ZDHHC5: variants seen among roughly 807,000 people sequenced by gnomAD.
ZDHHC5 encodes the protein zDHHC palmitoyltransferase 5, also known as palmitoyltransferase ZDHHC5.
In ZDHHC5, 22 loss-of-function variants were observed where a neutral mutation model predicts 70.0. The observed-to-expected ratio is 0.31, with a 90% CI of 0.22 to 0.45. ZDHHC5 has a LOEUF of 0.45. Among genes scored for constraint, ZDHHC5 ranks in the 20% least tolerant of loss-of-function variants. The pLI, the probability that ZDHHC5 is intolerant of heterozygous loss-of-function variation, is 1.00. For missense variants in ZDHHC5, 746 were observed against 926.9 expected, an observed-to-expected ratio of 0.80 and a Z score of 2.53; for synonymous variants, 313 against 347.8, an observed-to-expected ratio of 0.90 and a Z score of 1.11.
chr11:57,686,586 G>C (rs1263648623), intron 3 of ZDHHC5, among the ~76,000 whole-genome samples: 3 of 151,976 alleles, frequency 2.0e-5, no homozygotes, highest in African/African-American at 7.2e-5. Context: ...AGAGTGCTGG[G>C]ATTACAGGCA....
chr11:57,688,379 A>G, intron 3 of ZDHHC5, 129 bp from the exon 4 acceptor site: 2 of 1,090,732 alleles, frequency 1.8e-6, no homozygotes, highest in Non-Finnish European at 2.4e-6. Context: ...TATAGTTCCT[A>G]GTTCCTAGTC....
At chr11:57,689,981 T>C in intron 4 of ZDHHC5, 50 bp from the exon 5 acceptor site, 1 of 1,579,730 alleles carries the variant, frequency 6.3e-7, no homozygotes, top group Non-Finnish European at 8.6e-7. Flanking sequence ...CAGAAGTAAT[T>C]TAATGCTATG....
At chr11:57,671,696 T>C (rs951073898) in intron 1 of ZDHHC5, among the ~76,000 whole-genome samples, 1 of 152,264 alleles carries the variant, frequency 6.6e-6, no homozygotes, top group Non-Finnish European at 1.5e-5. Flanking sequence ...TTCACTGCTG[T>C]GCCCTTGTTT....
At chr11:57,695,187 G>T (rs207471927) in intron 8 of ZDHHC5, among the ~76,000 whole-genome samples, 1 of 151,974 alleles carries the variant, frequency 6.6e-6, no homozygotes, top group African/African-American at 2.4e-5. Context: ...GCTTGAACCC[G>T]GGAGGCGGAG....
At chr11:57,683,718 C>T (rs1217208439) in intron 3 of ZDHHC5, among the ~76,000 whole-genome samples, 1 of 152,012 alleles carries the variant, frequency 6.6e-6, no homozygotes, top group South Asian at 2.1e-4. Context: ...GTAAGATTGT[C>T]CAGAGAAAAT....
rs572203699 is a variant in ZDHHC5 at position 57,672,663 on chromosome 11, G to GT, written c.-421dup. The GT allele has an allele frequency of 1.8e-3, 341 of 185,586 alleles. No individual in the cohort carries two copies. The highest frequency in any genetic ancestry group is 3.0e-3 in the Non-Finnish European group (268 of 90,640). 11.5% of individuals were successfully genotyped at this position (185,586 alleles called of 1,614,324 possible). On this transcript the variant is annotated 5_prime_UTR_variant, in exon 2 of 12. Transcript: ENST00000287169. Reference sequence around the variant, plus strand: ...TCAGAAGAATTTTTCTTTGCCCAAAGTTTTTTTGCCATACCCTGATATTCT... The same window carrying GT: ...TCAGAAGAATTTTTCTTTGCCCAAAGTTTTTTTTGCCATACCCTGATATTCT...
chr11:57,696,645 T>G, intron 9 of ZDHHC5, 116 bp from the exon 10 acceptor site: 2 of 871,616 alleles, frequency 2.3e-6, no homozygotes, highest in Non-Finnish European at 3.6e-6. Context: ...AGTTCAAGGC[T>G]CCAGTGAGCT....
At position 57,698,802 on chromosome 11, in the gene ZDHHC5, T is replaced by C; in HGVS notation, c.1366T>C (p.Tyr456His). The C allele has an allele frequency of 6.2e-7, 1 of 1,614,192 alleles. No individual in the cohort carries two copies. Among genetic ancestry groups the C allele is most frequent in the Non-Finnish European group, 8.5e-7 (1 of 1,180,038 alleles). The change falls in exon 11 of 12, where the codon TAT (tyrosine) becomes CAT (histidine). Residue 456 changes from tyrosine to histidine, a missense_variant. Physicochemically the swap from Tyr to His is moderately conservative, Grantham distance 83. This residue lies in a region of ZDHHC5 where 340 missense variants were observed against 350.1 expected (regional missense o/e 0.97). Transcript: ENST00000287169. ...IRSEGTTSTS[Y>H]KSLANQTRNG... Reference sequence around the variant, plus strand: ...TTCAGAGGGCACCACCTCCACCTCCTATAAGAGCCTGGCCAACCAGACACG... The same window carrying C: ...TTCAGAGGGCACCACCTCCACCTCCCATAAGAGCCTGGCCAACCAGACACG...
chr11:57,690,920 C>T (rs1946277164), intron 6 of ZDHHC5, among the ~76,000 whole-genome samples: 1 of 152,028 alleles, frequency 6.6e-6, no homozygotes, highest in African/African-American at 2.4e-5. Flanking sequence ...ATGGGTGCAG[C>T]ACACCAACAT....
chr11:57,699,038 C>T lies in ZDHHC5; in HGVS notation c.1602C>T (p.Asp534=), dbSNP rs1265971493. Reference sequence around the variant, plus strand: ...GAGAGCCCTCACCAGTCCGTTACGACAATCTGTCGCGCCACATTGTGGCCT... The same window carrying T: ...GAGAGCCCTCACCAGTCCGTTACGATAATCTGTCGCGCCACATTGTGGCCT... ...THREPSPVRY[D]NLSRHIVASL... Residue 534 remains aspartate, a synonymous_variant, in exon 11 of 12, where the codon GAC becomes GAT. Coordinates refer to ENST00000287169, the MANE Select transcript of ZDHHC5 (RefSeq NM_015457.3). 5.6e-6 allele frequency: 9 copies of T among 1,611,718 alleles called. No individual in the cohort carries two copies. In the Admixed American group the frequency reaches 1.3e-4, roughly 24 times the overall value.
chr11:57,693,522 T>C (rs1422812241), intron 7 of ZDHHC5, among the ~76,000 whole-genome samples: 1 of 152,136 alleles, frequency 6.6e-6, no homozygotes, highest in Non-Finnish European at 1.5e-5. Context: ...GGTATTAAGG[T>C]AAATCTTTGA....
intron 2 of ZDHHC5, among the ~76,000 whole-genome samples, 198 bp downstream of exon 2, chr11:57,673,392 C>T (rs1410400276): frequency 1.3e-5 from 2 of 152,150 alleles, no homozygotes; most frequent in African/African-American, 4.8e-5. Flanking sequence ...AGTTTTACTT[C>T]GCTGAATCTT....
rs775532092 is a variant in ZDHHC5 at position 57,699,128 on chromosome 11, A to C, written c.1692A>C (p.Pro564=). 6.2e-7 allele frequency: 1 copy of C among 1,614,222 alleles called. No individual in the cohort carries two copies. The highest frequency in any genetic ancestry group is 8.5e-7 in the Non-Finnish European group (1 of 1,180,038). ...CACTCCCGGGCCGTGAGGAAGAACCAGGCTTGGGGGACTCAGGCATTCAGT... is the reference window on the plus strand; with the variant it reads ...CACTCCCGGGCCGTGAGGAAGAACCCGGCTTGGGGGACTCAGGCATTCAGT... ...SPPLPGREEE[P]GLGDSGIQST... is the part of the protein sequence containing the mutation. Residue 564 remains proline, a synonymous_variant, in exon 11 of 12, where the codon CCA becomes CCC. Coordinates refer to ENST00000287169, the MANE Select transcript of ZDHHC5 (RefSeq NM_015457.3).
chr11:57,684,639 G>A (rs1250625455), intron 3 of ZDHHC5, among the ~76,000 whole-genome samples: 1 of 152,194 alleles, frequency 6.6e-6, no homozygotes, highest in Non-Finnish European at 1.5e-5. Context: ...ATGCTTTCCA[G>A]TACATTTCTG....
intron 6 of ZDHHC5, among the ~76,000 whole-genome samples, chr11:57,691,000 T>C (rs540111723): frequency 6.6e-6 from 1 of 152,122 alleles, no homozygotes; most frequent in Non-Finnish European, 1.5e-5. Flanking sequence ...AGTATAATAA[T>C]AATAAAGATA....
intron 11 of ZDHHC5, 22 bp downstream of exon 11, chr11:57,699,440 A>AC (rs755161255): frequency 6.6e-7 from 1 of 1,524,704 alleles, no homozygotes; most frequent in Non-Finnish European, 8.8e-7. Flanking sequence ...TACTATCCTG[A>AC]CCCTTAGCCA....
In ZDHHC5 at chr11:57,673,005, C is replaced by T; in HGVS notation, c.-86C>T. 2.4e-6 allele frequency: 3 copies of T among 1,260,526 alleles called. No homozygotes were observed. Among genetic ancestry groups the T allele is most frequent in the Non-Finnish European group, 3.5e-6 (3 of 866,660 alleles). 78.1% of individuals were successfully genotyped at this position (1,260,526 alleles called of 1,614,324 possible). A position where few individuals can be genotyped will look rare whatever the true frequency, so the allele number is the denominator to read the frequency against. ...TTTTCTTTTGTACTCCTCTCTGTTG[C>T]TTCCCTCCTCCCATTTTCTTGTCTG... On this transcript the variant is annotated 5_prime_UTR_variant, in exon 2 of 12. Coordinates refer to ENST00000287169, the MANE Select transcript of ZDHHC5 (RefSeq NM_015457.3).
At position 57,699,308 on chromosome 11, in the gene ZDHHC5, A is replaced by G. The variant is rs545902836; in HGVS notation, c.1872A>G (p.Pro624=). Residue 624 remains proline (P), a synonymous_variant, in exon 11 of 12, where the codon CCA becomes CCG. Coordinates refer to ENST00000287169, the MANE Select transcript of ZDHHC5 (RefSeq NM_015457.3). Reference sequence around the variant, plus strand: ...GCCGGGGAGTAGGGTCCCCTGAACCAGGCCCAACAGCCCCATACCTGGGCC... The same window carrying G: ...GCCGGGGAGTAGGGTCCCCTGAACCGGGCCCAACAGCCCCATACCTGGGCC... ...LRGRGVGSPE[P]GPTAPYLGRS... The G allele has an allele frequency of 1.9e-6, 3 of 1,614,202 alleles. No individual in the cohort carries two copies. The Admixed American group carries it at 5.0e-5, about 27-fold the overall frequency.
chr11:57,699,270 G>C lies in ZDHHC5; in HGVS notation c.1834G>C (p.Asp612His). ...AGCTGTCCCCCGTTTTGGCAAGCCA[G>C]ATGGGCTAAGGGGCCGGGGAGTAGG... ...RPAVPRFGKP[D>H]GLRGRGVGSP... The change falls in exon 11 of 12, where the codon GAT becomes CAT. Residue 612 changes from aspartate to histidine, a missense_variant. Transcript: ENST00000287169. 1 of 1,614,250 alleles carries C rather than the reference G, an allele frequency of 6.2e-7. No individual in the cohort carries two copies. The highest frequency in any genetic ancestry group is 1.3e-5 in the African/African-American group (1 of 75,084).
Sources: gnomAD v4.1 joint callset for allele counts (sites outside exome capture counted in the v4.1 genomes callset) on GRCh38, gnomAD v4.1.1 for gene constraint, gnomAD v4.1.1 regional missense constraint, MANE v1.5 for transcripts, NCBI Gene and HGNC (gene_info 2026-07-23, HGNC 2026-07-21) for gene names.